CCDC60: variants seen among roughly 807,000 people sequenced by gnomAD.
CCDC60 encodes the protein coiled-coil domain containing 60.
A neutral mutation model predicts 63.5 loss-of-function variants in CCDC60; 54 were observed. The observed-to-expected ratio is 0.85, with a 90% CI of 0.68 to 1.07. The LOEUF is 1.07. Ranked by LOEUF, CCDC60 falls within the 50% of genes least tolerant of loss-of-function variation. CCDC60 has a pLI of 0.00. For missense variants in CCDC60, 651 were observed against 684.3 expected, an observed-to-expected ratio of 0.95 and a Z score of 0.54; for synonymous variants, 206 against 238.8, an observed-to-expected ratio of 0.86 and a Z score of 1.27.
intron 5 of CCDC60, among the ~76,000 whole-genome samples, chr12:119,492,712 C>A (rs1951619330): frequency 6.6e-6 from 1 of 152,196 alleles, no homozygotes; most frequent in East Asian, 1.9e-4. Context: ...GGGCAAGTCA[C>A]TTGACATCTC....
At chr12:119,387,336 C>T (rs1269454041) in intron 1 of CCDC60, among the ~76,000 whole-genome samples, 4 of 152,284 alleles carry the variant, frequency 2.6e-5, no homozygotes, top group Middle Eastern at 3.4e-3. Flanking sequence ...CTGTCTTGCA[C>T]GGTTTGAACA....
At chr12:119,398,581 C>T (rs936933002) in intron 1 of CCDC60, among the ~76,000 whole-genome samples, 1 of 152,240 alleles carries the variant, frequency 6.6e-6, no homozygotes, top group Non-Finnish European at 1.5e-5. Flanking sequence ...GCACCTTTGT[C>T]ACCTCTCAGC....
rs1952600190 is a variant in CCDC60 at position 119,523,815 on chromosome 12, T to C, written c.1226T>C (p.Met409Thr). Residue 409 changes from methionine (M) to threonine (T), a missense_variant, in exon 11 of 14, where the codon ATG becomes ACG. By Grantham distance (81) the Met-to-Thr change is moderately conservative (BLOSUM62 -1). Transcript: ENST00000327554. ...FCLQDKMEIL[M>T]KRQEERGIQK... The stretch of plus-strand genomic sequence containing the variant: ...CTGCAGGACAAGATGGAAATCCTCA[T>C]GAAGTAAGCGCACATATATATCCAT... 5 of 1,614,058 alleles carry C rather than the reference T, an allele frequency of 3.1e-6. 1 individual carries two copies. Among genetic ancestry groups the C allele is most frequent in the Non-Finnish European group, 8.5e-7 (1 of 1,179,952 alleles).
intron 1 of CCDC60, among the ~76,000 whole-genome samples, chr12:119,416,052 A>G (rs1234964597): frequency 6.6e-6 from 1 of 152,136 alleles, no homozygotes; most frequent in East Asian, 1.9e-4. Context: ...GAAAACAGGA[A>G]TAAGGATTCC....
At chr12:119,361,962 T>C (rs1160398602) in intron 1 of CCDC60, among the ~76,000 whole-genome samples, 1 of 152,194 alleles carries the variant, frequency 6.6e-6, no homozygotes, top group Non-Finnish European at 1.5e-5. Context: ...GGCCATATAA[T>C]TTATTGCCCA....
At chr12:119,447,191 C>T (rs1439917846) in intron 2 of CCDC60, among the ~76,000 whole-genome samples, 1 of 152,160 alleles carries the variant, frequency 6.6e-6, no homozygotes, top group Non-Finnish European at 1.5e-5. Flanking sequence ...AGGTAACCAC[C>T]CCATGTCCAG....
chr12:119,462,092 G>C (rs147796783), intron 2 of CCDC60, among the ~76,000 whole-genome samples: 9 of 152,270 alleles, frequency 5.9e-5, no homozygotes, highest in Non-Finnish European at 1.2e-4. Flanking sequence ...TGCCTTGCCT[G>C]AAGAGGGGCT....
chr12:119,425,107 A>G (rs1956878755), intron 1 of CCDC60, among the ~76,000 whole-genome samples: 1 of 152,212 alleles, frequency 6.6e-6, no homozygotes, highest in Admixed American at 6.5e-5. Context: ...TACAGACATG[A>G]CCGTGGCATA....
At chr12:119,349,245 C>A (rs1239810170) in intron 1 of CCDC60, among the ~76,000 whole-genome samples, 1 of 151,682 alleles carries the variant, frequency 6.6e-6, no homozygotes, top group Admixed American at 6.6e-5. Context: ...CTTTGAGAAG[C>A]TTTGGGGGAT....
chr12:119,425,083 GT>G (rs1162384487), intron 1 of CCDC60, among the ~76,000 whole-genome samples: 3 of 152,206 alleles, frequency 2.0e-5, no homozygotes, highest in African/African-American at 7.2e-5. Context: ...AATTTAGGAT[GT>G]TTAGGAGAGT....
chr12:119,433,373 C>A (rs775400042), intron 2 of CCDC60: 1 of 701,538 alleles, frequency 1.4e-6, no homozygotes, highest in South Asian at 1.5e-5. Flanking sequence ...ACGTTCTGCT[C>A]GGACACCCTT....
chr12:119,483,881 C>G (rs1303141210), intron 4 of CCDC60, among the ~76,000 whole-genome samples: 2 of 151,628 alleles, frequency 1.3e-5, no homozygotes, highest in Non-Finnish European at 2.9e-5. Context: ...ATGCTATGAC[C>G]TGACACATGA....
chr12:119,370,982 T>C (rs1237021426), intron 1 of CCDC60, among the ~76,000 whole-genome samples: 2 of 152,228 alleles, frequency 1.3e-5, no homozygotes, highest in African/African-American at 2.4e-5. Context: ...CAGTGAGCCA[T>C]GACCATAGCA....
At chr12:119,339,223 C>T (rs1013744122) in intron 1 of CCDC60, among the ~76,000 whole-genome samples, 1 of 152,090 alleles carries the variant, frequency 6.6e-6, no homozygotes, top group Admixed American at 6.6e-5. Flanking sequence ...CACGGACCCA[C>T]GATTTCTGCC....
At chr12:119,520,008 G>A (rs76512640) in intron 8 of CCDC60, 113 bp from the exon 9 acceptor site, 5 of 864,254 alleles carry the variant, frequency 5.8e-6, no homozygotes, top group Middle Eastern at 2.3e-4. Flanking sequence ...GTGCTCAGTA[G>A]AGTCTGAAGA....
chr12:119,528,002 T>A (rs1489642480), intron 11 of CCDC60, among the ~76,000 whole-genome samples: 1 of 151,956 alleles, frequency 6.6e-6, no homozygotes, highest in Non-Finnish European at 1.5e-5. Context: ...ACCCAAAGGA[T>A]AAAATTCTGG....
intron 1 of CCDC60, among the ~76,000 whole-genome samples, chr12:119,374,709 G>A (rs1955933397): frequency 6.6e-6 from 1 of 152,250 alleles, no homozygotes; most frequent in East Asian, 1.9e-4. Flanking sequence ...TTAACTGAGT[G>A]TATTTATAGT....
At chr12:119,387,386 C>G (rs1005522197) in intron 1 of CCDC60, among the ~76,000 whole-genome samples, 1 of 152,164 alleles carries the variant, frequency 6.6e-6, no homozygotes, top group Non-Finnish European at 1.5e-5. Flanking sequence ...CTAGATTTTT[C>G]TACAATGAGC....
chr12:119,380,506 T>A (rs1028198613), intron 1 of CCDC60, among the ~76,000 whole-genome samples: 2 of 152,238 alleles, frequency 1.3e-5, no homozygotes, highest in Non-Finnish European at 2.9e-5. Context: ...ATTTTAGGTC[T>A]TCTCTTACCC....
Sources: gnomAD v4.1 joint callset for allele counts (sites outside exome capture counted in the v4.1 genomes callset) on GRCh38, gnomAD v4.1.1 for gene constraint, MANE v1.5 for transcripts, NCBI Gene and HGNC (gene_info 2026-07-23, HGNC 2026-07-21) for gene names.